Variants in IL12B observed in about 807,000 individuals in gnomAD.
The protein encoded by IL12B is interleukin-12 subunit beta.
IL12B carries 27 observed loss-of-function variants against 39.2 expected under a neutral mutation model. The observed-to-expected ratio is 0.69, with a 90% CI of 0.51 to 0.95. The LOEUF is 0.95. IL12B is among the 40% of genes least tolerant of loss of function. IL12B has a pLI of 0.00. For synonymous variants in IL12B, 142 were observed against 152.1 expected (o/e 0.93, Z 0.49); for missense variants, 351 against 397.6 (o/e 0.88, Z 1.00).
At chr5:159,319,056 A>G (rs752581359) in intron 5 of IL12B, among the ~76,000 whole-genome samples, 163 bp from the exon 6 acceptor site, 20 of 152,244 alleles carry the variant, frequency 1.3e-4, no homozygotes, top group Non-Finnish European at 2.6e-4. Flanking sequence ...CCTCTGCCGC[A>G]GGTGCTCACG....
At chr5:159,324,034 G>T (rs770717101) in intron 2 of IL12B, among the ~76,000 whole-genome samples, 2 of 152,080 alleles carry the variant, frequency 1.3e-5, no homozygotes, top group Non-Finnish European at 1.5e-5. Context: ...ATTTTCCATG[G>T]ATATTTAAGG....
chr5:159,324,930 T>C (rs1050640824), intron 2 of IL12B, among the ~76,000 whole-genome samples: 1 of 151,938 alleles, frequency 6.6e-6, no homozygotes, highest in Non-Finnish European at 1.5e-5. Flanking sequence ...TCTGGGGAAA[T>C]GATTAGCTGT....
chr5:159,320,601 G>A (rs1754071023), intron 4 of IL12B, 81 bp from the exon 5 acceptor site: 2 of 1,158,812 alleles, frequency 1.7e-6, no homozygotes, highest in African/African-American at 3.0e-5. Flanking sequence ...AGGCAGGTAA[G>A]GCCTCAACTG....
In IL12B at chr5:159,316,779, A is replaced by G; in HGVS notation, c.893T>C (p.Val298Ala). 1 of 1,614,154 alleles carries G rather than the reference A, an allele frequency of 6.2e-7. No individual in the cohort carries two copies. Among genetic ancestry groups the G allele is most frequent in the South Asian group, 1.1e-5 (1 of 91,082 alleles). Residue 298 changes from valine (V) to alanine (A), a missense_variant, in exon 7 of 8, where the codon GTC becomes GCC. Physicochemically the swap from Val to Ala is moderately conservative, Grantham distance 64. Transcript: ENST00000231228. ...RVFTDKTSAT[V>A]ICRKNASISV... Reference sequence around the variant, plus strand: ...AATGCTGGCATTTTTGCGGCAGATGACCGTGGCTGAGGTCTTGTCCGTGAA... The same window carrying G: ...AATGCTGGCATTTTTGCGGCAGATGGCCGTGGCTGAGGTCTTGTCCGTGAA...
Position 159,320,444 on chromosome 5 carries a change from A to ACTCCT in IL12B, c.554_558dup (p.Tyr187ArgfsTer59), listed in dbSNP as rs1754067104. ...TCCTGGCACTCCACTGAGTACTCATACTCCTTGTTGTCCCCTCTGACTCTC... is the reference window on the plus strand; with the variant it reads ...TCCTGGCACTCCACTGAGTACTCATACTCCTCTCCTTGTTGTCCCCTCTGACTCTC... On this transcript the variant is annotated frameshift_variant, in exon 5 of 8. Transcript: ENST00000231228. LOFTEE classifies it high-confidence loss of function. The ACTCCT allele has an allele frequency of 6.2e-7, 1 of 1,613,506 alleles. No homozygotes were observed. The highest frequency in any genetic ancestry group is 8.5e-7 in the Non-Finnish European group (1 of 1,179,874).
At chr5:159,322,883 G>T (rs1316870807) in intron 3 of IL12B, among the ~76,000 whole-genome samples, 171 bp downstream of exon 3, 3 of 152,072 alleles carry the variant, frequency 2.0e-5, no homozygotes, top group Admixed American at 1.3e-4. Flanking sequence ...TAACCCAAAG[G>T]GTCCAGGAAA....
At chr5:159,316,840 G>A in intron 6 of IL12B, 24 bp from the exon 7 acceptor site, 1 of 1,613,634 alleles carries the variant, frequency 6.2e-7, no homozygotes, top group Non-Finnish European at 8.5e-7. Flanking sequence ...GGAAAGCTGT[G>A]AAGACCCCTT....
At chr5:159,317,866 A>G (rs1046951454) in intron 6 of IL12B, among the ~76,000 whole-genome samples, 2 of 152,218 alleles carry the variant, frequency 1.3e-5, no homozygotes, top group African/African-American at 4.8e-5. Context: ...CTGAGTGCCA[A>G]GATCAATGAC....
chr5:159,318,768 C>A lies in IL12B; in HGVS notation c.823G>T (p.Val275Phe). ...CTCTTGCTCTTGCCCTGGACCTGAA[C>A]GCAGAATGTCAGGGAGAAGTAGGAA... is the stretch of plus-strand genomic sequence containing the variant. ...PHSYFSLTFC[V>F]QVQGKSKREK... Residue 275 changes from valine (V) to phenylalanine (F), a missense_variant, in exon 6 of 8, where the codon GTT becomes TTT. Physicochemically the swap from Val to Phe is conservative, Grantham distance 50 (BLOSUM62 -1). Transcript: ENST00000231228. The A allele has an allele frequency of 1.2e-6, 2 of 1,614,128 alleles. No individual in the cohort carries two copies. Among genetic ancestry groups the A allele is most frequent in the South Asian group, 1.1e-5 (1 of 91,084 alleles).
intron 5 of IL12B, 53 bp downstream of exon 5, chr5:159,320,253 C>T (rs996674621): frequency 1.7e-5 from 26 of 1,487,838 alleles, no homozygotes; most frequent in Admixed American, 1.0e-4. Context: ...ATTGTGAACA[C>T]GTGACAAATA....
intron 4 of IL12B, among the ~76,000 whole-genome samples, chr5:159,321,469 A>G (rs1307197260): frequency 6.6e-6 from 1 of 151,856 alleles, no homozygotes; most frequent in Non-Finnish European, 1.5e-5. Flanking sequence ...TTTTACTTAT[A>G]CATATAGATT....
chr5:159,319,053 C>G (rs559514707), intron 5 of IL12B, among the ~76,000 whole-genome samples, 160 bp from the exon 6 acceptor site: 1 of 152,172 alleles, frequency 6.6e-6, no homozygotes, highest in Admixed American at 6.5e-5. Flanking sequence ...GCACCTCTGC[C>G]GCAGGTGCTC....
At chr5:159,326,548 AT>A in intron 2 of IL12B, 146 bp downstream of exon 2, 1 of 647,554 alleles carries the variant, frequency 1.5e-6, no homozygotes, top group Non-Finnish European at 2.8e-6. Flanking sequence ...AAAGAGAGAT[AT>A]GGCATTGCAT....
intron 6 of IL12B, among the ~76,000 whole-genome samples, chr5:159,317,164 G>A (rs1031206814): frequency 3.3e-5 from 5 of 152,192 alleles, no homozygotes; most frequent in African/African-American, 1.2e-4. Flanking sequence ...GAGATATTGA[G>A]AAATACCATA....
At chr5:159,326,898 T>C in intron 1 of IL12B, 116 bp from the exon 2 acceptor site, 1 of 726,598 alleles carries the variant, frequency 1.4e-6, no homozygotes, top group Non-Finnish European at 2.5e-6. Context: ...CATATACACA[T>C]TCTAGCTACT....
intron 6 of IL12B, chr5:159,318,195 G>A (rs1746887748): frequency 6.4e-6 from 1 of 155,872 alleles, no homozygotes. Flanking sequence ...CACAAAAAAG[G>A]GGGTAAAAAA....
In IL12B at chr5:159,320,287, A is replaced by T; in HGVS notation, c.697+19T>A. On this transcript the variant is annotated intron_variant, in intron 5 of 7. Transcript: ENST00000231228. ...TAGTATCTTTCCTTATGGAGCACAT[A>T]TAATCATCCAAAACTCACTGATGTC... 6.2e-7 allele frequency: 1 copy of T among 1,601,902 alleles called. No individual in the cohort carries two copies. Among genetic ancestry groups the T allele is most frequent in the Non-Finnish European group, 8.6e-7 (1 of 1,169,172 alleles).
intron 1 of IL12B, among the ~76,000 whole-genome samples, chr5:159,328,951 C>T (rs1352132062): frequency 4.6e-5 from 7 of 152,190 alleles, no homozygotes; most frequent in Admixed American, 2.0e-4. Context: ...TACTAGGGAG[C>T]GCTATCCCTC....
chr5:159,318,946 G>T, intron 5 of IL12B, 53 bp from the exon 6 acceptor site: 1 of 1,527,040 alleles, frequency 6.5e-7, no homozygotes, highest in Non-Finnish European at 9.0e-7. Context: ...TTGGAGTTCA[G>T]TGGTTTTGGC....
Sources: allele counts gnomAD v4.1 joint callset (sites outside exome capture counted in the v4.1 genomes callset), GRCh38; gene constraint gnomAD v4.1.1; transcripts MANE v1.5; gene names NCBI Gene and HGNC (gene_info 2026-07-23, HGNC 2026-07-21).